The following LCLAT1 variants were observed in gnomAD, a reference collection of about 807,000 sequenced individuals.
LCLAT1 encodes the protein 1-AGP acyltransferase 8.
A neutral mutation model predicts 30.7 loss-of-function variants in LCLAT1; 11 were observed. The observed-to-expected ratio is 0.36, with a 90% CI of 0.23 to 0.59. The LOEUF is 0.59. LCLAT1 is among the 20% of genes least tolerant of loss of function. The probability of loss-of-function intolerance (pLI) is 0.77; values close to 1 mark genes in which losing one functional copy is unlikely to be tolerated. For missense variants in LCLAT1, 402 were observed against 458.6 expected (o/e 0.88, Z 1.13); for synonymous variants, 155 against 151.3 (o/e 1.02, Z -0.18).
At chr2:30,568,306 A>T (rs940568686) in intron 5 of LCLAT1, 130 bp downstream of exon 5, 51 of 536,504 alleles carry the variant, frequency 9.5e-5, no homozygotes, top group Non-Finnish European at 8.7e-5. Flanking sequence ...TTGTATTTTT[A>T]TTCCAAGTTG....
rs187601503 is a variant in LCLAT1, at chr2:30,626,026, C to T, written c.629-14091C>T. Among the ~76,000 whole-genome samples the T allele has an allele frequency of 2.2e-3, 335 of 152,300 alleles. 7 individuals carry two copies. The highest frequency in any genetic ancestry group is 3.8e-4 in the Non-Finnish European group (26 of 68,030). On this transcript the variant is annotated intron_variant, in intron 5 of 5. Coordinates refer to ENST00000379509, the MANE Select transcript of LCLAT1 (RefSeq NM_001002257.3). ...AGATGACTACAGCTGTGACTGGCAC[C>T]GTGAGTGCTCTGTAGATAATTTGTG...
intron 1 of LCLAT1, among the ~76,000 whole-genome samples, chr2:30,451,591 G>GAGT (rs1359366195): frequency 3.3e-5 from 5 of 151,416 alleles, no homozygotes; most frequent in African/African-American, 1.2e-4. Flanking sequence ...TAGAATGGAT[G>GAGT]AGTAAATCGT....
At chr2:30,507,903 C>A (rs1487797295) in intron 1 of LCLAT1, among the ~76,000 whole-genome samples, 1 of 152,186 alleles carries the variant, frequency 6.6e-6, no homozygotes, top group Non-Finnish European at 1.5e-5. Context: ...AATTTACACT[C>A]CCACCAGTAG....
At chr2:30,522,302 A>T (rs1044967070) in intron 1 of LCLAT1, among the ~76,000 whole-genome samples, 1 of 152,102 alleles carries the variant, frequency 6.6e-6, no homozygotes, top group African/African-American at 2.4e-5. Flanking sequence ...TTGCATTCCC[A>T]CCAGCAATGT....
chr2:30,540,553 T>C (rs1490892898), intron 3 of LCLAT1, among the ~76,000 whole-genome samples: 1 of 152,238 alleles, frequency 6.6e-6, no homozygotes, highest in Admixed American at 6.5e-5. Context: ...GTATATATGC[T>C]GTTTCATTAC....
At chr2:30,539,957 T>G (rs1037268819) in intron 3 of LCLAT1, among the ~76,000 whole-genome samples, 3 of 152,228 alleles carry the variant, frequency 2.0e-5, no homozygotes, top group Non-Finnish European at 4.4e-5. Flanking sequence ...GTCTGTTTAG[T>G]TCTAGAGTCA....
rs77651094 is a variant in LCLAT1, at chr2:30,561,034, C to T, written c.365-1112C>T. Among the ~76,000 whole-genome samples the T allele has an allele frequency of 3.8e-3, 567 of 148,502 alleles. 3 individuals carry two copies. The highest frequency in any genetic ancestry group is 0.01 in the Middle Eastern group (3 of 286). On this transcript the variant is annotated intron_variant, in intron 3 of 5. Coordinates refer to ENST00000379509, the MANE Select transcript of LCLAT1 (RefSeq NM_001002257.3). ...TCAGCTTACTGCAACCTCTGCCCCC[C>T]GGGTTCAAGCGATTCTCCTGCCTCA...
intron 5 of LCLAT1, among the ~76,000 whole-genome samples, chr2:30,583,239 G>A (rs1212174400): frequency 2.6e-5 from 4 of 152,168 alleles, no homozygotes; most frequent in African/African-American, 9.7e-5. Context: ...TAAACCAGAA[G>A]TTTCTCAGAT....
At chr2:30,599,257 C>T (rs186785395) in intron 5 of LCLAT1, among the ~76,000 whole-genome samples, 62 of 152,242 alleles carry the variant, frequency 4.1e-4, no homozygotes, top group Middle Eastern at 3.4e-3. Context: ...GCTGGGATTC[C>T]GGACATGAGC....
chr2:30,635,226 TTATATA>T (rs1013723726), intron 5 of LCLAT1, among the ~76,000 whole-genome samples: 1 of 145,936 alleles, frequency 6.9e-6, no homozygotes, highest in African/African-American at 2.5e-5. Context: ...ACCCCTGTCT[TTATATA>T]TATATATACA....
intron 5 of LCLAT1, among the ~76,000 whole-genome samples, chr2:30,631,971 T>G (rs970385331): frequency 2.0e-5 from 3 of 152,222 alleles, no homozygotes; most frequent in Non-Finnish European, 2.9e-5. Flanking sequence ...TTGACATATT[T>G]TTATTCTATC....
intron 3 of LCLAT1, among the ~76,000 whole-genome samples, chr2:30,535,078 T>C (rs991166380): frequency 2.0e-5 from 3 of 152,198 alleles, no homozygotes; most frequent in African/African-American, 7.2e-5. Context: ...GTTATGTGTC[T>C]AATAGAGATT....
intron 1 of LCLAT1, among the ~76,000 whole-genome samples, chr2:30,508,157 G>GT (rs1353616828): frequency 3.3e-5 from 5 of 152,100 alleles, no homozygotes; most frequent in East Asian, 1.9e-4. Context: ...GTAAGTTTAA[G>GT]TTTTTTATAG....
At chr2:30,556,742 CTTTTTTT>C (rs35188565) in intron 3 of LCLAT1, among the ~76,000 whole-genome samples, 3 of 114,828 alleles carry the variant, frequency 2.6e-5, no homozygotes, top group Non-Finnish European at 5.4e-5. Context: ...TTTAGAAAGT[CTTTTTTT>C]TTTTTTTTTT....
At chr2:30,610,365 C>T (rs1418954978) in intron 5 of LCLAT1, among the ~76,000 whole-genome samples, 1 of 148,570 alleles carries the variant, frequency 6.7e-6, no homozygotes, top group Non-Finnish European at 1.5e-5. Flanking sequence ...AAATATTAGC[C>T]TATAATAATT....
At chr2:30,481,681 G>A (rs1411644368) in intron 1 of LCLAT1, among the ~76,000 whole-genome samples, 1 of 152,216 alleles carries the variant, frequency 6.6e-6, no homozygotes, top group Admixed American at 6.5e-5. Context: ...AGTGGTTTCA[G>A]TGGAATGGTA....
At chr2:30,517,852 T>C (rs1402844610) in intron 1 of LCLAT1, among the ~76,000 whole-genome samples, 1 of 152,110 alleles carries the variant, frequency 6.6e-6, no homozygotes, top group Non-Finnish European at 1.5e-5. Flanking sequence ...AACCTATAAT[T>C]GATAATTGAA....
chr2:30,562,828 T>G (rs112441583), intron 4 of LCLAT1, among the ~76,000 whole-genome samples: 6 of 152,290 alleles, frequency 3.9e-5, no homozygotes, highest in African/African-American at 1.4e-4. Flanking sequence ...ATTAGACCCT[T>G]CCTACTCCTC....
At chr2:30,486,751 T>C (rs561572987) in intron 1 of LCLAT1, among the ~76,000 whole-genome samples, 2 of 152,294 alleles carry the variant, frequency 1.3e-5, no homozygotes, top group South Asian at 4.1e-4. Flanking sequence ...TTACCTTTCT[T>C]GCTGGTTGGA....
Sources: gnomAD v4.1 joint callset for allele counts (sites outside exome capture counted in the v4.1 genomes callset) on GRCh38, gnomAD v4.1.1 for gene constraint, MANE v1.5 for transcripts, NCBI Gene and HGNC (gene_info 2026-07-23, HGNC 2026-07-21) for gene names.